UGGT2: variants seen among roughly 807,000 people sequenced by gnomAD.
The protein encoded by UGGT2 is UDP-glucose glycoprotein glucosyltransferase 2.
Under a neutral mutation model 192.1 loss-of-function variants are expected in UGGT2, and 180 were observed. The observed-to-expected ratio is 0.94, with a 90% CI of 0.83 to 1.06. UGGT2 has a LOEUF of 1.06. Among genes scored for constraint, UGGT2 ranks in the 50% least tolerant of loss-of-function variants. The pLI, the probability that UGGT2 is intolerant of heterozygous loss-of-function variation, is 0.00. For missense variants in UGGT2, 1,849 were observed against 1,795.7 expected (o/e 1.03, Z -0.54); for synonymous variants, 580 against 591.0 (o/e 0.98, Z 0.27).
chr13:95,951,533 TAC>T (rs1290172385), intron 12 of UGGT2, among the ~76,000 whole-genome samples: 2 of 152,202 alleles, frequency 1.3e-5, no homozygotes, highest in Non-Finnish European at 2.9e-5. Context: ...CTCAGAATCA[TAC>T]AGAGCCTTCA....
intron 10 of UGGT2, 48 bp from the exon 11 acceptor site, chr13:95,972,719 A>T: frequency 7.0e-7 from 1 of 1,422,404 alleles, no homozygotes; most frequent in Non-Finnish European, 9.9e-7. Context: ...AACAATAGTG[A>T]CCTATATTAG....
chr13:95,924,370 T>C (rs1010787922), intron 20 of UGGT2, among the ~76,000 whole-genome samples: 1 of 133,278 alleles, frequency 7.5e-6, no homozygotes, highest in Admixed American at 8.3e-5. Context: ...TTTCTCCCAA[T>C]AGATGTAATA....
chr13:95,975,887 AG>A (rs1333799549), intron 10 of UGGT2, among the ~76,000 whole-genome samples: 1 of 152,176 alleles, frequency 6.6e-6, no homozygotes, highest in Non-Finnish European at 1.5e-5. Context: ...TTTTGATAGA[AG>A]CATATAATGT....
intron 38 of UGGT2, among the ~76,000 whole-genome samples, chr13:95,818,669 T>C (rs779396879): frequency 6.6e-6 from 1 of 152,104 alleles, no homozygotes; most frequent in Non-Finnish European, 1.5e-5. Context: ...GTGAGTGTGA[T>C]GTAGCTTGAA....
chr13:95,845,958 G>C (rs1213249235), intron 36 of UGGT2, among the ~76,000 whole-genome samples: 1 of 151,794 alleles, frequency 6.6e-6, no homozygotes, highest in South Asian at 2.1e-4. Flanking sequence ...GCCGGGCAGA[G>C]GGGCTCCTCA....
At chr13:95,833,527 T>C (rs1378859076) in intron 37 of UGGT2, among the ~76,000 whole-genome samples, 1 of 152,114 alleles carries the variant, frequency 6.6e-6, no homozygotes, top group African/African-American at 2.4e-5. Context: ...TTTATTCAAC[T>C]GCAAAAGAAA....
intron 20 of UGGT2, among the ~76,000 whole-genome samples, chr13:95,916,413 A>G (rs1209083939): frequency 6.6e-6 from 1 of 152,220 alleles, no homozygotes; most frequent in African/African-American, 2.4e-5. Context: ...AATCTCAAAA[A>G]TCACAGGTAG....
Position 95,988,839 on chromosome 13 carries a change from A to C in UGGT2, c.931+1134T>G, listed in dbSNP as rs986267755. 1.4e-4 allele frequency among the ~76,000 whole-genome samples: 21 copies of C among 152,310 alleles called. No homozygotes were observed. The East Asian group carries it at 3.5e-3, about 25-fold the overall frequency. On this transcript the variant is annotated intron_variant, in intron 8 of 38. Transcript: ENST00000376747. The stretch of plus-strand genomic sequence containing the variant: ...CAGTATAAAGAATTTTACTTGGACC[A>C]AAATCTTCACTTATTAGCTGTGTGG...
chr13:95,882,535 T>G (rs971411685), intron 27 of UGGT2, among the ~76,000 whole-genome samples: 1 of 152,214 alleles, frequency 6.6e-6, no homozygotes, highest in African/African-American at 2.4e-5. Context: ...TAAGTTTGTA[T>G]AGCACACAAT....
At chr13:96,015,135 G>A (rs1233275980) in intron 4 of UGGT2, among the ~76,000 whole-genome samples, 6 of 151,854 alleles carry the variant, frequency 4.0e-5, no homozygotes, top group Non-Finnish European at 5.9e-5. Flanking sequence ...AAAATTAGCC[G>A]GGCGTGGTGG....
At chr13:95,831,831 C>G (rs2139871612) in intron 38 of UGGT2, among the ~76,000 whole-genome samples, 1 of 151,756 alleles carries the variant, frequency 6.6e-6, no homozygotes, top group East Asian at 1.9e-4. Flanking sequence ...GGTAATTTTC[C>G]TTTCTTCCTT....
chr13:96,006,770 C>T (rs887277419), intron 5 of UGGT2, among the ~76,000 whole-genome samples: 1 of 151,594 alleles, frequency 6.6e-6, no homozygotes, highest in African/African-American at 2.4e-5. Context: ...CTGAGCAGAA[C>T]ACTCAGGAGC....
chr13:96,044,452 G>A (rs1417954607), intron 1 of UGGT2, among the ~76,000 whole-genome samples: 1 of 152,070 alleles, frequency 6.6e-6, no homozygotes, highest in African/African-American at 2.4e-5. Context: ...AGGAACTAAA[G>A]AAACAGAACA....
At chr13:95,928,483 C>A (rs1202388811) in intron 17 of UGGT2, among the ~76,000 whole-genome samples, 3 of 150,544 alleles carry the variant, frequency 2.0e-5, no homozygotes, top group Admixed American at 2.0e-4. Flanking sequence ...TCAGACGGGG[C>A]AGCCGGTCAG....
In UGGT2 at chr13:95,931,702, G is replaced by A. The variant is rs567454762; in HGVS notation, c.1978-4366C>T. Among the ~76,000 whole-genome samples the A allele has an allele frequency of 4.9e-3, 753 of 152,170 alleles. 1 individual carries two copies. Among genetic ancestry groups the A allele is most frequent in the Admixed American group, 0.013 (203 of 15,294 alleles). On this transcript the variant is annotated intron_variant, in intron 17 of 38. Coordinates refer to ENST00000376747, the MANE Select transcript of UGGT2 (RefSeq NM_020121.4). ...TGGCCCGGGTGCTACGCCCCTCACTGCCCGGGCCGGCAGCGCCCGCCGGCC... is the reference window on the plus strand; with the variant it reads ...TGGCCCGGGTGCTACGCCCCTCACTACCCGGGCCGGCAGCGCCCGCCGGCC...
At chr13:95,809,164 G>A in intron 38 of UGGT2, 1 of 452,304 alleles carries the variant, frequency 2.2e-6, no homozygotes, top group Non-Finnish European at 4.4e-6. Context: ...TAAAAAATGG[G>A]ATGAGGTGGG....
At chr13:95,853,136 T>A (rs1021358205) in intron 36 of UGGT2, among the ~76,000 whole-genome samples, 1 of 152,308 alleles carries the variant, frequency 6.6e-6, no homozygotes. Flanking sequence ...CATGTGAAGA[T>A]GGACGTGTTT....
intron 36 of UGGT2, among the ~76,000 whole-genome samples, chr13:95,845,563 T>C (rs1392062234): frequency 6.6e-6 from 1 of 151,740 alleles, no homozygotes; most frequent in Non-Finnish European, 1.5e-5. Context: ...CTCCTATGTC[T>C]ACTTCTTTCT....
In UGGT2 at chr13:95,884,504, A is replaced by G; in HGVS notation, c.3215T>C (p.Ile1072Thr). Residue 1072 changes from isoleucine to threonine, a missense_variant, in exon 27 of 39, where the codon ATT (isoleucine) becomes ACT (threonine). Coordinates refer to ENST00000376747, the MANE Select transcript of UGGT2 (RefSeq NM_020121.4). ...ACAATAACTTACATCCTTTAAGTGA[A>G]TATTATCAAGGTCACAGTTGCTGTG... is the stretch of plus-strand genomic sequence containing the variant. ...TVHSNCDLDN[I>T]HLKDTEKTVT... 6.2e-7 allele frequency: 1 copy of G among 1,610,814 alleles called. No homozygotes were observed.
Sources: allele counts gnomAD v4.1 joint callset (sites outside exome capture counted in the v4.1 genomes callset), GRCh38; gene constraint gnomAD v4.1.1; transcripts MANE v1.5; gene names NCBI Gene and HGNC (gene_info 2026-07-23, HGNC 2026-07-21).